SHOX: variants seen among roughly 807,000 people sequenced by gnomAD.
SHOX encodes the protein short stature homeobox protein.
SHOX carries 12 observed loss-of-function variants against 29.6 expected under a neutral mutation model. The observed-to-expected ratio is 0.41, with a 90% CI of 0.26 to 0.66. SHOX has a LOEUF of 0.66. Among genes scored for constraint, SHOX ranks in the 30% least tolerant of loss-of-function variants. The probability of loss-of-function intolerance (pLI) is 0.35; values close to 1 mark genes in which losing one functional copy is unlikely to be tolerated. For missense variants in SHOX, 499 were observed against 437.7 expected (o/e 1.14, Z -1.25); for synonymous variants, 214 against 200.6 (o/e 1.07, Z -0.57).
intron 5 of SHOX, among the ~76,000 whole-genome samples, chrX:657,152 CCTCAG>C (rs1213081707): frequency 5.9e-5 from 9 of 151,492 alleles, no homozygotes; most frequent in Non-Finnish European, 8.8e-5. Context: ...ACAGAGCAAG[CCTCAG>C]CTTTCTGCCA....
chrX:626,792 T>TATC (rs1491357921), upstream of SHOX, among the ~76,000 whole-genome samples: 1 of 141,114 alleles, frequency 7.1e-6, no homozygotes, highest in Non-Finnish European at 1.5e-5. Flanking sequence ...TCTGTCTCTG[T>TATC]ATCTCTATCT....
chrX:652,066 T>G (rs929130581), downstream of SHOX, among the ~76,000 whole-genome samples: 12 of 151,944 alleles, frequency 7.9e-5, no homozygotes, highest in East Asian at 1.9e-4. Flanking sequence ...GGGATGACAG[T>G]CACCTGCACC....
chrX:640,862 G>T lies in SHOX; in HGVS notation c.528G>T (p.Glu176Asp), dbSNP rs778921118. 4 of 1,613,900 alleles carry T rather than the reference G, an allele frequency of 2.5e-6. No individual in the cohort carries two copies. Among genetic ancestry groups the T allele is most frequent in the South Asian group, 1.1e-5 (1 of 91,066 alleles). ...GGAGAGCCAAGTGCCGCAAACAAGA[G>T]AATCAGATGCATAAAGGTGGGTGTC... is the stretch of plus-strand genomic sequence containing the variant. ...QNRRAKCRKQENQMHKGVILG... is the reference protein window; with the variant it reads ...QNRRAKCRKQDNQMHKGVILG... Residue 176 changes from glutamate to aspartate, a missense_variant, in exon 3 of 5, where the codon GAG (glutamate) becomes GAT (aspartate). Physicochemically the swap from Glu to Asp is conservative, Grantham distance 45 (BLOSUM62 2). Coordinates refer to ENST00000686671, the MANE Select transcript of SHOX (RefSeq NM_000451.4).
rs932604907 is a variant in SHOX, at chrX:644,637, C to G, written c.*1C>G. The G allele has an allele frequency of 5.4e-6, 8 of 1,473,532 alleles. No individual in the cohort carries two copies. Among genetic ancestry groups the G allele is most frequent in the Non-Finnish European group, 6.2e-6 (7 of 1,120,288 alleles). The allele number at this position is 1,473,532 out of a possible 1,614,324, so 91.3% of individuals were successfully genotyped here. On this transcript the variant is annotated 3_prime_UTR_variant, in exon 5 of 5. Coordinates refer to ENST00000686671, the MANE Select transcript of SHOX (RefSeq NM_000451.4). Reference sequence around the variant, plus strand: ...GCACGCGGAGGCCCTGGGGCTCTGACCCGCCGCGCAGCCCCCCGCGCGCCC... The same window carrying G: ...GCACGCGGAGGCCCTGGGGCTCTGAGCCGCCGCGCAGCCCCCCGCGCGCCC...
At chrX:641,188 GC>G in intron 4 of SHOX, 101 bp downstream of exon 4, 1 of 1,145,916 alleles carries the variant, frequency 8.7e-7, no homozygotes, top group Non-Finnish European at 1.3e-6. Context: ...GTCCCTCCCT[GC>G]CCCTGCAGAC....
intron 2 of SHOX, among the ~76,000 whole-genome samples, chrX:639,927 G>C (rs2052821360): frequency 6.6e-6 from 1 of 152,052 alleles, no homozygotes; most frequent in African/African-American, 2.4e-5. Context: ...CTTGAACCTG[G>C]GAGGTGGACG....
In SHOX at chrX:649,698, C is replaced by A. The variant is rs962387896; in HGVS notation, c.*5062C>A. On this transcript the variant is annotated 3_prime_UTR_variant, in exon 5 of 5. Coordinates refer to ENST00000686671, the MANE Select transcript of SHOX (RefSeq NM_000451.4). The stretch of plus-strand genomic sequence containing the variant: ...GAGAGAGGATTTGGTGTGTGAGATC[C>A]GTACCAGCTCCAGCACACTGATAGG... Among the ~76,000 whole-genome samples, 1 of 152,074 alleles carries A rather than the reference C, an allele frequency of 6.6e-6. No homozygotes were observed. Among genetic ancestry groups the A allele is most frequent in the African/African-American group, 2.4e-5 (1 of 41,416 alleles).
chrX:648,893 T>TTC lies in SHOX; in HGVS notation c.*4258_*4259dup, dbSNP rs1257099239. Among the ~76,000 whole-genome samples, 5 of 146,078 alleles carry TTC rather than the reference T, an allele frequency of 3.4e-5. No homozygotes were observed. Among genetic ancestry groups the TTC allele is most frequent in the African/African-American group, 5.3e-5 (2 of 37,962 alleles). ...ACGCCCTCTTCTCTCTCCCTTCTCC[T>TTC]TCCTTCCTTCCTTCCTTTCTTTCTT... On this transcript the variant is annotated 3_prime_UTR_variant, in exon 5 of 5. Coordinates refer to ENST00000686671, the MANE Select transcript of SHOX (RefSeq NM_000451.4).
At chrX:624,398 T>TTG (rs1245664281) in exon 1 of SHOX, 2 of 150,886 alleles carry the variant, frequency 1.3e-5, no homozygotes, top group Non-Finnish European at 3.0e-5. Flanking sequence ...TTTTTTTTTT[T>TTG]TGGTTTTGTT....
At chrX:628,296 TCTCC>T (rs2052578165), upstream of SHOX, among the ~76,000 whole-genome samples, 19 of 151,280 alleles carry the variant, frequency 1.3e-4, no homozygotes, top group South Asian at 4.2e-4. Context: ...TCTTTCTCTG[TCTCC>T]ATCTCTTTCT....
At chrX:635,201 G>C (rs1442190372) in intron 2 of SHOX, among the ~76,000 whole-genome samples, 3 of 152,100 alleles carry the variant, frequency 2.0e-5, no homozygotes, top group Admixed American at 1.3e-4. Context: ...CCCTGGGATT[G>C]GTTATAGGGG....
intron 1 of SHOX, among the ~76,000 whole-genome samples, chrX:632,565 GC>G: frequency 6.6e-6 from 1 of 152,228 alleles, no homozygotes; most frequent in South Asian, 2.1e-4. Flanking sequence ...GCTCTCCGGG[GC>G]CCTGCATTTG....
intron 2 of SHOX, among the ~76,000 whole-genome samples, chrX:636,330 A>T (rs2052748427): frequency 9.6e-6 from 1 of 103,816 alleles, no homozygotes; most frequent in Non-Finnish European, 1.8e-5. Context: ...ATATATATAA[A>T]CATATAAACA....
intron 4 of SHOX, among the ~76,000 whole-genome samples, chrX:642,300 T>C (rs1416408654): frequency 7.4e-6 from 1 of 134,338 alleles, no homozygotes; most frequent in African/African-American, 2.8e-5. Context: ...GGAACGGGCT[T>C]GGGGGGGGGG....
At chrX:631,530 TTTTG>T (rs771180677) in intron 1 of SHOX, among the ~76,000 whole-genome samples, 11 of 150,870 alleles carry the variant, frequency 7.3e-5, no homozygotes, top group South Asian at 2.1e-4. Context: ...CCTTTCCTTT[TTTTG>T]TTTGTTTGTT....
At chrX:640,206 G>T (rs1486069304) in intron 2 of SHOX, among the ~76,000 whole-genome samples, 1 of 150,890 alleles carries the variant, frequency 6.6e-6, no homozygotes, top group Non-Finnish European at 1.5e-5. Flanking sequence ...TTAGCTAGGT[G>T]TGGTGGTGTG....
rs1569495627 is a variant in SHOX at position 648,476 on chromosome X, C to G, written c.*3840C>G. 6.6e-6 allele frequency among the ~76,000 whole-genome samples: 1 copy of G among 152,190 alleles called. No individual in the cohort carries two copies. Among genetic ancestry groups the G allele is most frequent in the East Asian group, 1.9e-4 (1 of 5,190 alleles). ...TCCTGACCTCAGGTTGACCTGCCCG[C>G]TTTGTCCCTCGCAAAGTGCTGGGAT... On this transcript the variant is annotated 3_prime_UTR_variant, in exon 5 of 5. Transcript: ENST00000686671.
At chrX:625,884 CT>C (rs2052522700), upstream of SHOX, among the ~76,000 whole-genome samples, 2 of 132,992 alleles carry the variant, frequency 1.5e-5, no homozygotes, top group Non-Finnish European at 3.4e-5. Context: ...CTCTTTCTCT[CT>C]CTCCTCTCTC....
At chrX:628,019 G>C (rs1208671274), upstream of SHOX, among the ~76,000 whole-genome samples, 3 of 129,246 alleles carry the variant, frequency 2.3e-5, no homozygotes, top group African/African-American at 2.8e-5. Context: ...GTTGCTCTAA[G>C]CCAGAGACCC....
Sources: allele counts gnomAD v4.1 joint callset (sites outside exome capture counted in the v4.1 genomes callset), GRCh38; gene constraint gnomAD v4.1.1; transcripts MANE v1.5; gene names NCBI Gene and HGNC (gene_info 2026-07-23, HGNC 2026-07-21).